Variants in TRIM71 observed in about 807,000 individuals in gnomAD.
TRIM71 encodes the protein tripartite motif containing 71.
In TRIM71, 9 loss-of-function variants were observed where a neutral mutation model predicts 61.2. The ratio of observed to expected loss-of-function variants is 0.15; its 90% CI spans 0.09 to 0.26. The LOEUF is 0.26. TRIM71 is among the 10% of genes least tolerant of loss of function. The pLI is 1.00. For missense variants in TRIM71, 998 were observed against 1,238.7 expected (o/e 0.81, Z 2.92); for synonymous variants, 645 against 553.2 (o/e 1.17, Z -2.33).
intron 1 of TRIM71, among the ~76,000 whole-genome samples, chr3:32,853,578 A>G (rs777926547): frequency 6.6e-6 from 1 of 152,236 alleles, no homozygotes; most frequent in Non-Finnish European, 1.5e-5. Flanking sequence ...ATGAACATCT[A>G]AAGATTGTCT....
At chr3:32,852,313 G>A (rs1456854140) in intron 1 of TRIM71, among the ~76,000 whole-genome samples, 2 of 152,186 alleles carry the variant, frequency 1.3e-5, no homozygotes, top group Admixed American at 1.3e-4. Context: ...TTGGGAGGCA[G>A]ATAAATAGGT....
chr3:32,873,736 A>C, intron 1 of TRIM71, 82 bp from the exon 2 acceptor site: 2 of 1,340,106 alleles, frequency 1.5e-6, no homozygotes, highest in Non-Finnish European at 2.0e-6. Flanking sequence ...CGGTTGTGAG[A>C]GCCAGGGCCC....
intron 2 of TRIM71, among the ~76,000 whole-genome samples, chr3:32,879,672 TAA>T (rs34024813): frequency 0.53 from 78,521 of 148,106 alleles, 20,745 homozygotes; most frequent in Admixed American, 0.62. Flanking sequence ...TTCAATTTCT[TAA>T]AAAAAAAAAA....
intron 2 of TRIM71, among the ~76,000 whole-genome samples, chr3:32,874,365 A>G (rs1002534270): frequency 1.8e-5 from 2 of 110,064 alleles, no homozygotes; most frequent in African/African-American, 3.1e-5. Flanking sequence ...TACTACTACT[A>G]CTACAACATA....
chr3:32,852,770 AAAAAC>A (rs1696552823), intron 1 of TRIM71, among the ~76,000 whole-genome samples: 1 of 88,654 alleles, frequency 1.1e-5, no homozygotes. Flanking sequence ...AAAAAAAAAA[AAAAAC>A]AAAAACAAAC....
chr3:32,855,901 A>C (rs138404400), intron 1 of TRIM71, among the ~76,000 whole-genome samples: 1,867 of 152,368 alleles, frequency 0.012, 110 homozygotes, highest in Admixed American at 0.1. Flanking sequence ...GGCCTCTCCT[A>C]CAGGCACCAT....
intron 1 of TRIM71, among the ~76,000 whole-genome samples, chr3:32,826,582 CTTTTTTTTT>C (rs71068090): frequency 8.4e-5 from 7 of 83,098 alleles, no homozygotes; most frequent in Admixed American, 1.8e-4. Flanking sequence ...CAGGTGAGTT[CTTTTTTTTT>C]TTTTTTTTTT....
intron 2 of TRIM71, among the ~76,000 whole-genome samples, chr3:32,883,425 C>T (rs1696929830): frequency 6.6e-6 from 1 of 152,246 alleles, no homozygotes; most frequent in South Asian, 2.1e-4. Flanking sequence ...AGACTCATTG[C>T]TTTCCTCATC....
At chr3:32,834,687 C>A (rs376115424) in intron 1 of TRIM71, among the ~76,000 whole-genome samples, 2 of 152,098 alleles carry the variant, frequency 1.3e-5, no homozygotes, top group African/African-American at 2.4e-5. Flanking sequence ...ACTAAAAATA[C>A]AAAAATTAGC....
At chr3:32,865,715 C>T (rs1319640181) in intron 1 of TRIM71, among the ~76,000 whole-genome samples, 1 of 151,206 alleles carries the variant, frequency 6.6e-6, no homozygotes, top group East Asian at 1.9e-4. Context: ...GTAAGCCCAG[C>T]CAAATTCCAG....
intron 1 of TRIM71, among the ~76,000 whole-genome samples, chr3:32,824,378 A>C (rs1367414322): frequency 6.7e-6 from 1 of 149,578 alleles, no homozygotes; most frequent in Non-Finnish European, 1.5e-5. Context: ...TTTTAAGTAG[A>C]GACGGGGTTT....
chr3:32,888,478 C>T (rs1196620862), intron 3 of TRIM71, among the ~76,000 whole-genome samples: 7 of 137,206 alleles, frequency 5.1e-5, no homozygotes, highest in Non-Finnish European at 9.3e-5. Flanking sequence ...AAAAAAGGTG[C>T]CCTGTGGTGG....
At chr3:32,819,307 A>G (rs995578961) in intron 1 of TRIM71, among the ~76,000 whole-genome samples, 3 of 152,112 alleles carry the variant, frequency 2.0e-5, no homozygotes, top group African/African-American at 7.2e-5. Context: ...AGGCCTCCCA[A>G]CGTGCTGAGA....
intron 1 of TRIM71, among the ~76,000 whole-genome samples, chr3:32,841,235 ACT>A (rs1330140988): frequency 6.6e-5 from 10 of 151,740 alleles, no homozygotes; most frequent in African/African-American, 9.7e-5. Context: ...ACAGAGCGAG[ACT>A]CTGTCTCAAA....
intron 1 of TRIM71, among the ~76,000 whole-genome samples, chr3:32,850,217 G>A (rs1056194953): frequency 6.6e-6 from 1 of 152,192 alleles, no homozygotes; most frequent in African/African-American, 2.4e-5. Context: ...TCTATAGGAG[G>A]ATGTGGTGGT....
chr3:32,836,589 T>G (rs1696336748), intron 1 of TRIM71, among the ~76,000 whole-genome samples: 1 of 152,224 alleles, frequency 6.6e-6, no homozygotes. Flanking sequence ...TAGAATATAG[T>G]CTTGGTATAT....
chr3:32,870,491 G>A (rs186536106), intron 1 of TRIM71, among the ~76,000 whole-genome samples: 228 of 152,126 alleles, frequency 1.5e-3, no homozygotes, highest in Non-Finnish European at 2.5e-3. Flanking sequence ...ACCAAGCAGG[G>A]ATTGCATTCA....
At chr3:32,841,375 G>A (rs971740683) in intron 1 of TRIM71, among the ~76,000 whole-genome samples, 7 of 151,272 alleles carry the variant, frequency 4.6e-5, no homozygotes, top group African/African-American at 7.3e-5. Flanking sequence ...GAGAAACTGC[G>A]TAAAGAATAC....
chr3:32,821,789 A>G (rs6803218), intron 1 of TRIM71, among the ~76,000 whole-genome samples: 4 of 150,538 alleles, frequency 2.7e-5, no homozygotes, highest in Admixed American at 6.6e-5. Context: ...GTCCCGGGAG[A>G]GGCGGGCGCA....
Sources: allele counts gnomAD v4.1 joint callset (sites outside exome capture counted in the v4.1 genomes callset), GRCh38; gene constraint gnomAD v4.1.1; transcripts MANE v1.5; gene names NCBI Gene and HGNC (gene_info 2026-07-23, HGNC 2026-07-21).